Variants in SAMD12 observed in about 807,000 individuals in gnomAD.
SAMD12 encodes the protein sterile alpha motif domain-containing protein 12.
SAMD12 carries 9 observed loss-of-function variants against 15.0 expected under a neutral mutation model. The observed-to-expected ratio is 0.60, with a 90% CI of 0.36 to 1.05. SAMD12 has a LOEUF of 1.05. SAMD12 is among the 50% of genes least tolerant of loss of function. SAMD12 has a pLI of 0.01. For missense variants in SAMD12, 230 were observed against 234.2 expected, an observed-to-expected ratio of 0.98 and a Z score of 0.12; for synonymous variants, 86 against 90.1, an observed-to-expected ratio of 0.96 and a Z score of 0.25.
intron 4 of SAMD12, among the ~76,000 whole-genome samples, chr8:118,291,511 G>T (rs1478954875): frequency 1.3e-5 from 2 of 152,046 alleles, no homozygotes; most frequent in Non-Finnish European, 2.9e-5. Flanking sequence ...TTCCCCTTAT[G>T]GTCTAATTAT....
chr8:118,593,476 A>C (rs746162948), intron 1 of SAMD12, among the ~76,000 whole-genome samples: 9 of 152,204 alleles, frequency 5.9e-5, no homozygotes, highest in African/African-American at 2.2e-4. Flanking sequence ...ACTGTCCAAT[A>C]CAGGAGCCAG....
intron 3 of SAMD12, among the ~76,000 whole-genome samples, chr8:118,414,225 A>C (rs1242150864): frequency 6.6e-6 from 1 of 152,188 alleles, no homozygotes; most frequent in Non-Finnish European, 1.5e-5. Flanking sequence ...TTTCCTTTAA[A>C]TAATTGTATT....
chr8:118,148,704 C>T, the SAMD12 span, among the ~76,000 whole-genome samples: 1 of 152,184 alleles, frequency 6.6e-6, no homozygotes, highest in Non-Finnish European at 1.5e-5. Flanking sequence ...TTTCTATTTC[C>T]AGTCACAGAC....
At chr8:118,135,004 C>T in the SAMD12 span, among the ~76,000 whole-genome samples, 1 of 152,172 alleles carries the variant, frequency 6.6e-6, no homozygotes, top group Admixed American at 6.5e-5. Context: ...TGCTAACAAG[C>T]TTCAGGTGCT....
intron 4 of SAMD12, among the ~76,000 whole-genome samples, chr8:118,331,830 T>C (rs776557029): frequency 3.9e-5 from 6 of 152,190 alleles, no homozygotes; most frequent in Non-Finnish European, 5.9e-5. Context: ...GTGGTATTCG[T>C]GGGAAGCTGG....
chr8:118,499,646 ACAGT>A (rs749816214), intron 2 of SAMD12, among the ~76,000 whole-genome samples: 15 of 152,372 alleles, frequency 9.8e-5, no homozygotes, highest in Non-Finnish European at 1.8e-4. Flanking sequence ...CAAGGAGAAC[ACAGT>A]CAGCCAGGGC....
At chr8:118,394,122 T>C (rs778626961) in intron 3 of SAMD12, among the ~76,000 whole-genome samples, 1 of 152,212 alleles carries the variant, frequency 6.6e-6, no homozygotes, top group Non-Finnish European at 1.5e-5. Context: ...CTACATCATG[T>C]TCCCTTTGCT....
intron 2 of SAMD12, among the ~76,000 whole-genome samples, chr8:118,541,413 G>A (rs1825982156): frequency 6.6e-6 from 1 of 152,176 alleles, no homozygotes; most frequent in African/African-American, 2.4e-5. Context: ...TTACACATCA[G>A]TGTTTTTAAG....
At chr8:118,409,445 C>T (rs1821294088) in intron 3 of SAMD12, among the ~76,000 whole-genome samples, 1 of 136,674 alleles carries the variant, frequency 7.3e-6, no homozygotes, top group Admixed American at 9.1e-5. Flanking sequence ...TCAACTGCTT[C>T]ACCGCTTTCA....
intron 4 of SAMD12, among the ~76,000 whole-genome samples, chr8:118,241,034 C>T (rs1486779778): frequency 3.9e-5 from 6 of 152,172 alleles, no homozygotes; most frequent in African/African-American, 7.2e-5. Flanking sequence ...AACCACCTGA[C>T]CCCCAGCTCA....
chr8:118,338,156 C>A (rs1817176168), intron 4 of SAMD12, among the ~76,000 whole-genome samples: 1 of 152,172 alleles, frequency 6.6e-6, no homozygotes, highest in Non-Finnish European at 1.5e-5. Flanking sequence ...ACAGAAAACA[C>A]TCAACAGCTA....
At chr8:118,514,615 C>A (rs1825179099) in intron 2 of SAMD12, among the ~76,000 whole-genome samples, 1 of 152,170 alleles carries the variant, frequency 6.6e-6, no homozygotes, top group Non-Finnish European at 1.5e-5. Context: ...GCTCTTCGCA[C>A]ATGAAATGCT....
At chr8:118,489,049 T>C (rs563477661) in intron 2 of SAMD12, among the ~76,000 whole-genome samples, 1 of 152,334 alleles carries the variant, frequency 6.6e-6, no homozygotes, top group African/African-American at 2.4e-5. Flanking sequence ...ATAGACATTC[T>C]GGGGAGGAGG....
chr8:118,170,523 A>G, the SAMD12 span, among the ~76,000 whole-genome samples: 1 of 152,048 alleles, frequency 6.6e-6, no homozygotes, highest in African/African-American at 2.4e-5. Context: ...AATAAACCCA[A>G]CTCCTGCATC....
At chr8:118,203,759 G>A (rs1194476393) in intron 4 of SAMD12, among the ~76,000 whole-genome samples, 3 of 132,488 alleles carry the variant, frequency 2.3e-5, no homozygotes, top group South Asian at 2.4e-4. Context: ...AGGCCCCGGT[G>A]TGTGATGTTC....
At chr8:118,584,747 T>C (rs554089532) in intron 1 of SAMD12, among the ~76,000 whole-genome samples, 4 of 152,324 alleles carry the variant, frequency 2.6e-5, no homozygotes, top group African/African-American at 9.6e-5. Context: ...AATGCCCTTT[T>C]GAAGGCACCA....
At chr8:118,399,320 A>C (rs1820754689) in intron 3 of SAMD12, among the ~76,000 whole-genome samples, 1 of 152,044 alleles carries the variant, frequency 6.6e-6, no homozygotes, top group Admixed American at 6.6e-5. Context: ...TCCCAGCAAT[A>C]ATTAGTTCTA....
chr8:118,462,993 C>T (rs1200221396), intron 2 of SAMD12, among the ~76,000 whole-genome samples: 1 of 148,382 alleles, frequency 6.7e-6, no homozygotes, highest in African/African-American at 2.5e-5. Context: ...CCCAGCTACA[C>T]AGGAGGCTGA....
chr8:118,304,941 G>C (rs901046363), intron 4 of SAMD12, among the ~76,000 whole-genome samples: 1 of 150,910 alleles, frequency 6.6e-6, no homozygotes, highest in Non-Finnish European at 1.5e-5. Context: ...TTGAAATCAG[G>C]AGTTCAAAAC....
Sources: allele counts gnomAD v4.1 joint callset (sites outside exome capture counted in the v4.1 genomes callset), GRCh38; gene constraint gnomAD v4.1.1; transcripts MANE v1.5; gene names NCBI Gene and HGNC (gene_info 2026-07-23, HGNC 2026-07-21).